Variants in PROSER2 observed in about 807,000 individuals in gnomAD.
PROSER2 encodes the protein proline and serine rich 2.
Under a neutral mutation model 14.6 loss-of-function variants are expected in PROSER2, and 18 were observed. That is an observed-to-expected ratio of 1.23 (90% CI 0.85 to 1.83). The LOEUF (loss-of-function observed/expected upper bound fraction) is 1.83, where lower values mean the gene tolerates loss of function less well. Among genes scored for constraint, PROSER2 ranks in the 40% most tolerant of loss-of-function variants. The pLI is 0.00. For missense variants in PROSER2, 823 were observed against 629.8 expected (o/e 1.31, Z -3.28); for synonymous variants, 367 against 286.4 (o/e 1.28, Z -2.84).
rs1269379224 is a variant in PROSER2 at position 11,836,021 on chromosome 10, G to A, written c.-82+12551G>A. 6.6e-6 allele frequency among the ~76,000 whole-genome samples: 1 copy of A among 151,854 alleles called. No homozygotes were observed. Among genetic ancestry groups the A allele is most frequent in the Non-Finnish European group, 1.5e-5 (1 of 67,902 alleles). On this transcript the variant is annotated intron_variant, in intron 1 of 3. Transcript: ENST00000277570. This position sits in a 1 kb window ranked among gnomAD's most constrained non-coding sequence, Gnocchi z 4.6. ...TGTTAAGTCACCATATAGGGATTTT[G>A]GGGGGATGTGGCTTTATTTATTTAT...
chr10:11,839,051 A>G (rs1446651422), intron 1 of PROSER2, among the ~76,000 whole-genome samples: 12 of 152,234 alleles, frequency 7.9e-5, no homozygotes, highest in Admixed American at 7.8e-4. Flanking sequence ...AGAGCAAAAT[A>G]GGAAATTCAG....
rs747320823 is a variant in PROSER2 at position 11,837,751 on chromosome 10, G to T, written c.-81-14246G>T. 2.0e-4 allele frequency among the ~76,000 whole-genome samples: 31 copies of T among 152,078 alleles called. No homozygotes were observed. Among genetic ancestry groups the T allele is most frequent in the Non-Finnish European group, 3.2e-4 (22 of 68,014 alleles). On this transcript the variant is annotated intron_variant, in intron 1 of 3. Coordinates refer to ENST00000277570, the MANE Select transcript of PROSER2 (RefSeq NM_153256.4). This position sits in a 1 kb window ranked among gnomAD's most constrained non-coding sequence, Gnocchi z 4.6. ...CGATTTCTTTCCCTCACATTTCCTC[G>T]GTGCAAAACCTAATAGTAGAATGTG... is the stretch of plus-strand genomic sequence containing the variant.
intron 1 of PROSER2, among the ~76,000 whole-genome samples, chr10:11,842,963 T>C (rs1269975809): frequency 7.8e-6 from 1 of 127,664 alleles, no homozygotes; most frequent in Non-Finnish European, 1.6e-5. Context: ...TTTTTTGAGA[T>C]GGAGTCTTGC....
rs184200378 is a variant in PROSER2, at chr10:11,867,488, C to T, written c.391+705C>T. 2.2e-3 allele frequency among the ~76,000 whole-genome samples: 335 copies of T among 151,930 alleles called. 1 individual carries two copies. The highest frequency in any genetic ancestry group is 7.3e-3 in the African/African-American group (302 of 41,412). On this transcript the variant is annotated intron_variant, in intron 3 of 3. Transcript: ENST00000277570. The stretch of plus-strand genomic sequence containing the variant: ...TCTCTACTAAAAATACAAAAATTAG[C>T]TGGCGCACACCTGTAGTCCCAGCTG...
intron 1 of PROSER2, among the ~76,000 whole-genome samples, chr10:11,839,796 G>T (rs1833810903): frequency 6.8e-6 from 1 of 146,156 alleles, no homozygotes; most frequent in African/African-American, 2.5e-5. Context: ...CTGCACTCCA[G>T]CCTGGGCAAC....
chr10:11,847,127 TAAAG>T (rs1331226015), intron 1 of PROSER2, among the ~76,000 whole-genome samples: 1 of 143,252 alleles, frequency 7.0e-6, no homozygotes, highest in Non-Finnish European at 1.5e-5. Context: ...CTCCTATTCT[TAAAG>T]AAAAAAAAGA....
At chr10:11,849,962 T>C (rs1833987863) in intron 1 of PROSER2, 2 of 152,304 alleles carry the variant, frequency 1.3e-5, no homozygotes, top group Admixed American at 6.5e-5. Context: ...CCTCCCGTTA[T>C]GTTACGGTAC....
chr10:11,855,449 G>T (rs1834106899), intron 2 of PROSER2, among the ~76,000 whole-genome samples: 1 of 147,286 alleles, frequency 6.8e-6, no homozygotes, highest in Non-Finnish European at 1.5e-5. Context: ...ACTCCATCCT[G>T]GGCGACAGAG....
rs549037304 is a variant in PROSER2 at position 11,829,559 on chromosome 10, AAGAC to A, written c.-82+6093_-82+6096del. ...ATTGTGCCACTGCATTCTAGCCTGT[AAGAC>A]AGAGCGAGACCCTGTCTCAAAAAAA... On this transcript the variant is annotated intron_variant, in intron 1 of 3. Coordinates refer to ENST00000277570, the MANE Select transcript of PROSER2 (RefSeq NM_153256.4). Among the ~76,000 whole-genome samples, 5 of 151,972 alleles carry A rather than the reference AAGAC, an allele frequency of 3.3e-5. No homozygotes were observed. The South Asian group carries it at 1.0e-3, about 32-fold the overall frequency.
chr10:11,833,884 G>C (rs372713032), intron 1 of PROSER2, among the ~76,000 whole-genome samples: 1 of 151,858 alleles, frequency 6.6e-6, no homozygotes, highest in Non-Finnish European at 1.5e-5. Context: ...AGTCACGAAG[G>C]CTTGACCATG....
At chr10:11,849,197 C>CA (rs199671785) in intron 1 of PROSER2, among the ~76,000 whole-genome samples, 12 of 151,648 alleles carry the variant, frequency 7.9e-5, no homozygotes, top group African/African-American at 2.4e-4. Flanking sequence ...AAAAAAAAAA[C>CA]AAAAAAACAA....
At chr10:11,846,055 C>T (rs1347554954) in intron 1 of PROSER2, among the ~76,000 whole-genome samples, 1 of 152,114 alleles carries the variant, frequency 6.6e-6, no homozygotes, top group South Asian at 2.1e-4. Context: ...GGTGCGATCT[C>T]GGCTCACTGC....
chr10:11,832,427 C>T (rs938778552), intron 1 of PROSER2, among the ~76,000 whole-genome samples: 1 of 152,126 alleles, frequency 6.6e-6, no homozygotes, highest in African/African-American at 2.4e-5. Flanking sequence ...TCTGTGGAGG[C>T]CCATTTTTAA....
chr10:11,846,130 G>A (rs967025186), intron 1 of PROSER2, among the ~76,000 whole-genome samples: 3 of 152,074 alleles, frequency 2.0e-5, no homozygotes, highest in African/African-American at 7.2e-5. Context: ...GGGATTATAG[G>A]TGTGCCCCAC....
rs1031979854 is a variant in PROSER2, at chr10:11,870,950, G to GTACTT, written c.*547_*551dup. The GTACTT allele has an allele frequency of 2.6e-5, 4 of 153,908 alleles. No individual in the cohort carries two copies. Among genetic ancestry groups the GTACTT allele is most frequent in the African/African-American group, 4.8e-5 (2 of 41,414 alleles). The allele number at this position is 153,908 out of a possible 1,614,324, so 9.5% of individuals were successfully genotyped here. ...TGGTACTTTGCTTTTGTTTCTTGAC[G>GTACTT]TACTTTAGTTTGCCCAGTTTTGTTT... On this transcript the variant is annotated 3_prime_UTR_variant, in exon 4 of 4. Coordinates refer to ENST00000277570, the MANE Select transcript of PROSER2 (RefSeq NM_153256.4).
Position 11,869,573 on chromosome 10 carries a change from C to T in PROSER2, c.475C>T (p.Leu159Phe), listed in dbSNP as rs760359869. 4.3e-6 allele frequency: 7 copies of T among 1,611,524 alleles called. No homozygotes were observed. Among genetic ancestry groups the T allele is most frequent in the East Asian group, 4.5e-5 (2 of 44,814 alleles). Residue 159 changes from leucine (L) to phenylalanine (F), a missense_variant, in exon 4 of 4, where the codon CTT (leucine) becomes TTT (phenylalanine). By Grantham distance (22) the Leu-to-Phe change is conservative. Transcript: ENST00000277570. The surrounding 1 kb of genome is among the most constrained non-coding windows in gnomAD (Gnocchi z 4.4). The part of the protein sequence containing the change: ...PPDPPAPETL[L>F]APPPLPSTPD... ...AGACCCCCCGGCTCCCGAGACCCTT[C>T]TTGCGCCACCACCCCTGCCTAGCAC...
At position 11,865,434 on chromosome 10, in the gene PROSER2, T is replaced by TATCC. The variant is rs1834326284; in HGVS notation, c.139-1096_139-1093dup. ...GTTCATTTCCTGTAAGTTGCTTTTC[T>TATCC]ATCCTTTGATTTTGATAGCTGTTTC... is the stretch of plus-strand genomic sequence containing the variant. On this transcript the variant is annotated intron_variant, in intron 2 of 3. Transcript: ENST00000277570. The surrounding 1 kb of genome is among the most constrained non-coding windows in gnomAD (Gnocchi z 4.2). Among the ~76,000 whole-genome samples the TATCC allele has an allele frequency of 6.6e-6, 1 of 152,258 alleles. No individual in the cohort carries two copies. Among genetic ancestry groups the TATCC allele is most frequent in the South Asian group, 2.1e-4 (1 of 4,836 alleles).
chr10:11,867,582 C>A (rs1834378188), intron 3 of PROSER2, among the ~76,000 whole-genome samples: 1 of 152,230 alleles, frequency 6.6e-6, no homozygotes, highest in South Asian at 2.1e-4. Context: ...TGAGATCGTG[C>A]TACTGCACTC....
intron 1 of PROSER2, among the ~76,000 whole-genome samples, chr10:11,829,429 A>T (rs919278715): frequency 1.3e-5 from 2 of 151,742 alleles, no homozygotes; most frequent in African/African-American, 4.8e-5. Flanking sequence ...ACAAAAAATT[A>T]AAAAATTAGC....
Sources: allele counts gnomAD v4.1 joint callset (sites outside exome capture counted in the v4.1 genomes callset), GRCh38; gene constraint gnomAD v4.1.1; non-coding constraint Gnocchi (gnomAD v3.1); transcripts MANE v1.5; gene names NCBI Gene and HGNC (gene_info 2026-07-23, HGNC 2026-07-21).